The following CAB39 variants were observed in gnomAD, a reference collection of about 807,000 sequenced individuals.
CAB39 encodes the protein calcium binding protein 39.
In CAB39, 8 loss-of-function variants were observed where a neutral mutation model predicts 40.0. The ratio of observed to expected loss-of-function variants is 0.20; its 90% CI spans 0.12 to 0.36. The LOEUF is 0.36. Among genes scored for constraint, CAB39 ranks in the 10% least tolerant of loss-of-function variants. The pLI, the probability that CAB39 is intolerant of heterozygous loss-of-function variation, is 1.00. For missense variants in CAB39, 270 were observed against 401.1 expected (o/e 0.67, Z 2.79); for synonymous variants, 156 against 141.6 (o/e 1.10, Z -0.72).
chr2:230,772,356 C>T (rs1695496769), intron 2 of CAB39, among the ~76,000 whole-genome samples: 1 of 152,146 alleles, frequency 6.6e-6, no homozygotes, highest in African/African-American at 2.4e-5. Context: ...AAGGAGATTC[C>T]ACTACACAGC....
chr2:230,789,415 C>T (rs181371972), intron 2 of CAB39, among the ~76,000 whole-genome samples: 82 of 152,204 alleles, frequency 5.4e-4, no homozygotes, highest in Non-Finnish European at 9.3e-4. Flanking sequence ...TCGTGTTTTC[C>T]GGTTTTGGTC....
intron 1 of CAB39, among the ~76,000 whole-genome samples, chr2:230,726,802 A>G (rs551827960): frequency 1.3e-5 from 2 of 151,118 alleles, no homozygotes; most frequent in Non-Finnish European, 1.5e-5. Flanking sequence ...AAAGAGGGCA[A>G]CCCTTCCCTA....
intron 2 of CAB39, among the ~76,000 whole-genome samples, chr2:230,765,339 G>C (rs1200181925): frequency 1.3e-5 from 2 of 152,000 alleles, no homozygotes; most frequent in Non-Finnish European, 2.9e-5. Context: ...GTTCATGCTT[G>C]GTTCATGATG....
At chr2:230,817,994 C>T in intron 8 of CAB39, 97 bp downstream of exon 8, 1 of 1,083,212 alleles carries the variant, frequency 9.2e-7, no homozygotes, top group Non-Finnish European at 1.4e-6. Flanking sequence ...TCTGGTAATC[C>T]AGGTGACTTA....
At chr2:230,790,705 A>G (rs949659278) in intron 2 of CAB39, among the ~76,000 whole-genome samples, 167 bp from the exon 3 acceptor site, 7 of 152,206 alleles carry the variant, frequency 4.6e-5, no homozygotes, top group African/African-American at 1.7e-4. Context: ...ACGCAGACAT[A>G]GCGCCCAGCT....
At position 230,773,636 on chromosome 2, in the gene CAB39, T is replaced by A. The variant is rs574021870; in HGVS notation, c.114+13521T>A. ...GACATAGAAATTCAAAACTCTACTG[T>A]GAGGAACAGTTGAATGACCTCAAGA... On this transcript the variant is annotated intron_variant, in intron 2 of 8. Coordinates refer to ENST00000258418, the MANE Select transcript of CAB39 (RefSeq NM_016289.4). Among the ~76,000 whole-genome samples, 10 of 152,192 alleles carry A rather than the reference T, an allele frequency of 6.6e-5. No homozygotes were observed. The South Asian group carries it at 2.1e-3, about 32-fold the overall frequency.
At chr2:230,748,831 A>AAAAAAATATATATATATAT (rs1386799920) in intron 1 of CAB39, among the ~76,000 whole-genome samples, 1 of 28,502 alleles carries the variant, frequency 3.5e-5, no homozygotes, top group Non-Finnish European at 6.3e-5. Context: ...AAAAAAAAAA[A>AAAAAAATATATATATATAT]ATATATATAT....
At chr2:230,792,614 A>G (rs1695910789) in intron 3 of CAB39, among the ~76,000 whole-genome samples, 1 of 152,220 alleles carries the variant, frequency 6.6e-6, no homozygotes, top group Non-Finnish European at 1.5e-5. Context: ...AGTGTAATGA[A>G]GTTCTGATCT....
intron 3 of CAB39, among the ~76,000 whole-genome samples, chr2:230,791,790 C>A: frequency 6.6e-6 from 1 of 152,186 alleles, no homozygotes; most frequent in East Asian, 1.9e-4. Context: ...TTGGATCATG[C>A]TATGTTAAAT....
At chr2:230,732,690 G>T (rs1485438970) in intron 1 of CAB39, among the ~76,000 whole-genome samples, 1 of 152,174 alleles carries the variant, frequency 6.6e-6, no homozygotes, top group Non-Finnish European at 1.5e-5. Flanking sequence ...TCTTGCCGCT[G>T]GGGGAATGAG....
chr2:230,805,911 A>G (rs2124975237), intron 5 of CAB39, among the ~76,000 whole-genome samples: 2 of 152,346 alleles, frequency 1.3e-5, no homozygotes, highest in South Asian at 4.1e-4. Context: ...CTGAAATAAA[A>G]GGTGACAAGG....
intron 1 of CAB39, among the ~76,000 whole-genome samples, chr2:230,754,327 T>TTCTTCTTCCTTCC (rs140074156): frequency 2.9e-5 from 4 of 136,180 alleles, no homozygotes; most frequent in Non-Finnish European, 1.5e-5. Flanking sequence ...TCCTTCTTCC[T>TTCTTCTTCCTTCC]TCTTCTTCCT....
intron 5 of CAB39, among the ~76,000 whole-genome samples, chr2:230,800,474 G>A (rs1696070145): frequency 6.6e-6 from 1 of 152,228 alleles, no homozygotes; most frequent in Admixed American, 6.5e-5. Context: ...ATAACATAGA[G>A]TGATCAATAT....
chr2:230,812,667 T>G (rs1696325514), intron 6 of CAB39, among the ~76,000 whole-genome samples: 1 of 152,188 alleles, frequency 6.6e-6, no homozygotes, highest in African/African-American at 2.4e-5. Context: ...AAGAGAGAAA[T>G]CTAACTCAAA....
chr2:230,784,246 A>G (rs901287634), intron 2 of CAB39, among the ~76,000 whole-genome samples: 1 of 152,140 alleles, frequency 6.6e-6, no homozygotes, highest in African/African-American at 2.4e-5. Flanking sequence ...ATTACATGAA[A>G]CGGAACAAGG....
Position 230,759,984 on chromosome 2 carries a change from G to A in CAB39, c.-18G>A. 2.1e-6 allele frequency: 3 copies of A among 1,452,052 alleles called. No homozygotes were observed. The highest frequency in any genetic ancestry group is 2.9e-6 in the Non-Finnish European group (3 of 1,032,722). The allele number at this position is 1,452,052 out of a possible 1,614,324, so 89.9% of individuals were successfully genotyped here. A position where few individuals can be genotyped will look rare whatever the true frequency, so the allele number is the denominator to read the frequency against. On this transcript the variant is annotated 5_prime_UTR_variant, in exon 2 of 9. Transcript: ENST00000258418. ...GTAGCACAGGCGGAGTGCAGCGGAG[G>A]CCCCTGCCGCTGCCGTCATGCCGTT...
intron 1 of CAB39, among the ~76,000 whole-genome samples, chr2:230,749,282 C>CT (rs945330581): frequency 6.6e-6 from 1 of 151,936 alleles, no homozygotes; most frequent in African/African-American, 2.4e-5. Flanking sequence ...GCTCCTGTGC[C>CT]TTTTTTAGCA....
intron 1 of CAB39, among the ~76,000 whole-genome samples, chr2:230,757,630 C>G (rs1672149611): frequency 6.6e-6 from 1 of 152,142 alleles, no homozygotes; most frequent in Admixed American, 6.5e-5. Flanking sequence ...ACCATTGAGC[C>G]AGAGCTGAAA....
intron 1 of CAB39, among the ~76,000 whole-genome samples, chr2:230,759,539 T>C (rs1046880374): frequency 6.6e-6 from 1 of 152,226 alleles, no homozygotes; most frequent in African/African-American, 2.4e-5. Flanking sequence ...ACGCTCAACC[T>C]TGCTAAACTT....
Sources: gnomAD v4.1 joint callset for allele counts (sites outside exome capture counted in the v4.1 genomes callset) on GRCh38, gnomAD v4.1.1 for gene constraint, MANE v1.5 for transcripts, NCBI Gene and HGNC (gene_info 2026-07-23, HGNC 2026-07-21) for gene names.